Variants in CALHM4 observed in about 807,000 individuals in gnomAD.
The protein encoded by CALHM4 is calcium homeostasis modulator family member 4, also known as calcium homeostasis modulator protein 4.
A neutral mutation model predicts 13.3 loss-of-function variants in CALHM4; 16 were observed. The ratio of observed to expected loss-of-function variants is 1.20; its 90% CI spans 0.81 to 1.82. The LOEUF (loss-of-function observed/expected upper bound fraction) is 1.82, where lower values mean the gene tolerates loss of function less well. Ranked by LOEUF, CALHM4 falls within the 40% of genes most tolerant of loss-of-function variation. The pLI, the probability that CALHM4 is intolerant of heterozygous loss-of-function variation, is 0.00. For missense variants in CALHM4, 344 were observed against 374.9 expected, an observed-to-expected ratio of 0.92 and a Z score of 0.68; for synonymous variants, 127 against 137.1, an observed-to-expected ratio of 0.93 and a Z score of 0.52.
In CALHM4 at chr6:116,558,301, C is replaced by A. The variant is rs891442163; in HGVS notation, c.*90C>A. 1.5e-6 allele frequency: 2 copies of A among 1,305,920 alleles called. No homozygotes were observed. Among genetic ancestry groups the A allele is most frequent in the Middle Eastern group, 2.6e-4 (1 of 3,840 alleles). The allele number at this position is 1,305,920 out of a possible 1,614,324, so 80.9% of individuals were successfully genotyped here. On this transcript the variant is annotated 3_prime_UTR_variant, in exon 2 of 2. Coordinates refer to ENST00000368596, the MANE Select transcript of CALHM4 (RefSeq NM_001366078.2). Reference sequence around the variant, plus strand: ...GGCCATTTCAATGTAATCTCTTCATCTTTTTCTTTCTCTCTGATATTTGTT... The same window carrying A: ...GGCCATTTCAATGTAATCTCTTCATATTTTTCTTTCTCTCTGATATTTGTT...
rs1774435601 is a variant in CALHM4 at position 116,558,293 on chromosome 6, C to G, written c.*82C>G. Reference sequence around the variant, plus strand: ...TATGATCAGGCCATTTCAATGTAATCTCTTCATCTTTTTCTTTCTCTCTGA... The same window carrying G: ...TATGATCAGGCCATTTCAATGTAATGTCTTCATCTTTTTCTTTCTCTCTGA... On this transcript the variant is annotated 3_prime_UTR_variant, in exon 2 of 2. Coordinates refer to ENST00000368596, the MANE Select transcript of CALHM4 (RefSeq NM_001366078.2). The G allele has an allele frequency of 7.3e-7, 1 of 1,367,324 alleles. No homozygotes were observed. The highest frequency in any genetic ancestry group is 1.5e-5 in the South Asian group (1 of 67,582). The allele number at this position is 1,367,324 out of a possible 1,614,324, so 84.7% of individuals were successfully genotyped here. A position where few individuals can be genotyped will look rare whatever the true frequency, so the allele number is the denominator to read the frequency against.
At position 116,554,116 on chromosome 6, in the gene CALHM4, C is replaced by T. The variant is rs1583315977; in HGVS notation, c.323C>T (p.Thr108Ile). The change falls in exon 1 of 2, where the codon ACT becomes ATT. Residue 108 changes from threonine to isoleucine, a missense_variant. Thr to Ile is a moderately conservative substitution (Grantham distance 89). Coordinates refer to ENST00000368596, the MANE Select transcript of CALHM4 (RefSeq NM_001366078.2). The stretch of plus-strand genomic sequence containing the variant: ...GCTTGCCTTAGGTTCTTCAGCATCA[C>T]TGGGAGGGCAGTTATTGCTCCTTTA... ...KLACLRFFSITGRAVIAPLTW... is the reference protein window; with the variant it reads ...KLACLRFFSIIGRAVIAPLTW... The T allele has an allele frequency of 5.2e-6, 8 of 1,550,590 alleles. No individual in the cohort carries two copies. The East Asian group carries it at 1.7e-4, about 33-fold the overall frequency.
chr6:116,545,449 A>T (rs1452413284), intron 2 of CALHM4: 1 of 1,535,672 alleles, frequency 6.5e-7, no homozygotes, highest in Admixed American at 2.0e-5. Context: ...AAGTAGAAAA[A>T]ATCTCTTTGT....
At chr6:116,545,590 T>C (rs1201335140) in intron 2 of CALHM4, 24 of 1,368,196 alleles carry the variant, frequency 1.8e-5, no homozygotes, top group Admixed American at 2.3e-5. Context: ...TCAGTCCATG[T>C]CTTTTTGTTT....
Position 116,560,371 on chromosome 6 carries a change from C to T in CALHM4, c.*2160C>T, listed in dbSNP as rs1216518817. On this transcript the variant is annotated 3_prime_UTR_variant, in exon 2 of 2. Coordinates refer to ENST00000368596, the MANE Select transcript of CALHM4 (RefSeq NM_001366078.2). ...GAAAGAAGATTAATAGTTGTTTATA[C>T]CCTAATACCAGGAAACTATTTCCAC... Among the ~76,000 whole-genome samples, 1 of 152,080 alleles carries T rather than the reference C, an allele frequency of 6.6e-6. No individual in the cohort carries two copies. Among genetic ancestry groups the T allele is most frequent in the East Asian group, 1.9e-4 (1 of 5,192 alleles).
chr6:116,552,054 T>C (rs1206402029), upstream of CALHM4, among the ~76,000 whole-genome samples: 1 of 152,226 alleles, frequency 6.6e-6, no homozygotes, highest in Non-Finnish European at 1.5e-5. Context: ...TCCTTGGGGC[T>C]CATTTTCCTT....
In CALHM4 at chr6:116,547,888, C is replaced by A. The variant is rs543766421; in HGVS notation, c.-1+4016C>A. Among the ~76,000 whole-genome samples the A allele has an allele frequency of 5.9e-5, 9 of 152,288 alleles. No homozygotes were observed. In the South Asian group the frequency reaches 1.7e-3, roughly 28 times the overall value. On this transcript the variant is annotated intron_variant, in intron 2 of 2. Coordinates refer to the CALHM4 transcript ENST00000368597. ...TCTGGTAAAACTGCACTGCAGTCAA[C>A]CAACCCAAGTAAATGGTGAATTGAG...
chr6:116,551,660 G>A (rs1282207891), upstream of CALHM4, among the ~76,000 whole-genome samples: 1 of 152,088 alleles, frequency 6.6e-6, no homozygotes, highest in African/African-American at 2.4e-5. Context: ...ATTCTAAATA[G>A]GGTTGCTATG....
chr6:116,542,959 CT>C (rs1377928584), intron 1 of CALHM4, among the ~76,000 whole-genome samples: 2 of 152,012 alleles, frequency 1.3e-5, no homozygotes, highest in African/African-American at 4.8e-5. Context: ...CAAAAGACTT[CT>C]GAAAAGAATA....
chr6:116,558,218 C>T lies in CALHM4; in HGVS notation c.*7C>T, dbSNP rs1425006344. 6.2e-7 allele frequency: 1 copy of T among 1,602,256 alleles called. No individual in the cohort carries two copies. The highest frequency in any genetic ancestry group is 1.1e-5 in the South Asian group (1 of 90,138). ...TATTGAATTAAAACCTTGATTACAGCACCTTTCATGAGTCAGGTTGCTTAG... is the reference window on the plus strand; with the variant it reads ...TATTGAATTAAAACCTTGATTACAGTACCTTTCATGAGTCAGGTTGCTTAG... On this transcript the variant is annotated 3_prime_UTR_variant, in exon 2 of 2. Transcript: ENST00000368596.
At chr6:116,548,738 C>G (rs1469943801) in intron 2 of CALHM4, among the ~76,000 whole-genome samples, 2 of 152,190 alleles carry the variant, frequency 1.3e-5, no homozygotes, top group African/African-American at 2.4e-5. Context: ...ATAGCTTAAG[C>G]TAGCCTACCT....
chr6:116,549,738 G>A (rs958950798), upstream of CALHM4, among the ~76,000 whole-genome samples: 1 of 151,492 alleles, frequency 6.6e-6, no homozygotes, highest in African/African-American at 2.4e-5. Flanking sequence ...CACTTTGGGA[G>A]GCCGAGGTAG....
At chr6:116,542,139 A>G (rs954228603) in intron 1 of CALHM4, among the ~76,000 whole-genome samples, 4 of 152,174 alleles carry the variant, frequency 2.6e-5, no homozygotes, top group Admixed American at 2.0e-4. Flanking sequence ...TGGAAATGCT[A>G]TGTCAGATGT....
At chr6:116,546,420 G>C (rs1773785606) in intron 2 of CALHM4, among the ~76,000 whole-genome samples, 1 of 152,200 alleles carries the variant, frequency 6.6e-6, no homozygotes, top group African/African-American at 2.4e-5. Flanking sequence ...ACTCAGTTTA[G>C]GAAAGTAATT....
intron 1 of CALHM4, among the ~76,000 whole-genome samples, chr6:116,555,915 T>G (rs1005672829): frequency 6.6e-6 from 1 of 152,158 alleles, no homozygotes; most frequent in African/African-American, 2.4e-5. Flanking sequence ...AATTGAATGA[T>G]GAGATCCCTT....
intron 1 of CALHM4, among the ~76,000 whole-genome samples, chr6:116,554,710 T>A (rs1032896331): frequency 1.3e-5 from 2 of 152,194 alleles, no homozygotes; most frequent in African/African-American, 4.8e-5. Flanking sequence ...ATTTTAGATG[T>A]TATGAATATT....
chr6:116,537,147 A>G (rs1773150439), intron 1 of CALHM4, among the ~76,000 whole-genome samples: 2 of 152,206 alleles, frequency 1.3e-5, no homozygotes, highest in Non-Finnish European at 2.9e-5. Flanking sequence ...GTCTTACACT[A>G]GAGAAGGGTG....
At chr6:116,542,636 CAG>C (rs1446126280) in intron 1 of CALHM4, among the ~76,000 whole-genome samples, 1 of 152,002 alleles carries the variant, frequency 6.6e-6, no homozygotes, top group African/African-American at 2.4e-5. Context: ...CATAGTTACT[CAG>C]AGAAAATCAA....
intron 2 of CALHM4, among the ~76,000 whole-genome samples, chr6:116,547,919 C>T (rs1326375235): frequency 6.6e-6 from 1 of 152,202 alleles, no homozygotes; most frequent in East Asian, 1.9e-4. Flanking sequence ...TTGAGCTATG[C>T]CCCTATGCTG....
Sources: gnomAD v4.1 joint callset for allele counts (sites outside exome capture counted in the v4.1 genomes callset) on GRCh38, gnomAD v4.1.1 for gene constraint, MANE v1.5 for transcripts, NCBI Gene and HGNC (gene_info 2026-07-23, HGNC 2026-07-21) for gene names.